Variants in SLC66A2 observed in about 807,000 individuals in gnomAD.
SLC66A2 encodes the protein PQ loop repeat containing 1.
SLC66A2 carries 23 observed loss-of-function variants against 25.5 expected under a neutral mutation model. The ratio of observed to expected loss-of-function variants is 0.90; its 90% CI spans 0.65 to 1.28. SLC66A2 has a LOEUF of 1.28. Ranked by LOEUF, SLC66A2 falls within the 50% of genes most tolerant of loss-of-function variation. SLC66A2 has a pLI of 0.00. For synonymous variants in SLC66A2, 193 were observed against 166.5 expected, an observed-to-expected ratio of 1.16 and a Z score of -1.23; for missense variants, 396 against 373.1, an observed-to-expected ratio of 1.06 and a Z score of -0.51.
intron 4 of SLC66A2, among the ~76,000 whole-genome samples, chr18:79,933,024 C>T (rs971877407): frequency 1.3e-5 from 2 of 152,126 alleles, no homozygotes; most frequent in Non-Finnish European, 2.9e-5. Context: ...TCATGTCTTA[C>T]GAATACAGAT....
chr18:79,911,175 A>C (rs1039632543), intron 5 of SLC66A2, among the ~76,000 whole-genome samples: 1 of 152,246 alleles, frequency 6.6e-6, no homozygotes, highest in Non-Finnish European at 1.5e-5. Flanking sequence ...GGCCCCAACC[A>C]CACAGGCAGA....
chr18:79,951,307 C>T (rs966009691), intron 1 of SLC66A2, among the ~76,000 whole-genome samples: 1 of 151,528 alleles, frequency 6.6e-6, no homozygotes, highest in African/African-American at 2.4e-5. Context: ...TCCACGCGCG[C>T]CCCGGGATGG....
intron 5 of SLC66A2, among the ~76,000 whole-genome samples, chr18:79,905,013 C>CCTGT (rs1221710713): frequency 2.0e-5 from 3 of 152,138 alleles, no homozygotes; most frequent in Non-Finnish European, 2.9e-5. Context: ...ACCTGGGTGC[C>CCTGT]GTAGCCGCCC....
intron 5 of SLC66A2, among the ~76,000 whole-genome samples, chr18:79,907,523 T>C (rs1982314295): frequency 1.3e-5 from 2 of 152,052 alleles, no homozygotes; most frequent in African/African-American, 4.8e-5. Context: ...CGCTAATGTT[T>C]TGTATTTTAG....
At chr18:79,905,241 G>A (rs942184864) in intron 5 of SLC66A2, among the ~76,000 whole-genome samples, 2 of 152,204 alleles carry the variant, frequency 1.3e-5, no homozygotes, top group Non-Finnish European at 2.9e-5. Context: ...CACTTGGGTC[G>A]GTTTAGCTAA....
At chr18:79,943,581 T>A in intron 2 of SLC66A2, 119 bp from the exon 3 acceptor site, 1 of 1,218,642 alleles carries the variant, frequency 8.2e-7, no homozygotes, top group Non-Finnish European at 1.1e-6. Context: ...CCCCTCCCAG[T>A]CCTGAACCTG....
chr18:79,922,537 G>A (rs897168975), intron 4 of SLC66A2, among the ~76,000 whole-genome samples: 3 of 152,052 alleles, frequency 2.0e-5, no homozygotes, highest in African/African-American at 4.8e-5. Context: ...CAGTAAATCC[G>A]TACCACATCC....
intron 5 of SLC66A2, among the ~76,000 whole-genome samples, chr18:79,912,136 GAGCAGGGAGGGGACGGC>G (rs1264272840): frequency 7.0e-6 from 1 of 142,606 alleles, no homozygotes; most frequent in Non-Finnish European, 1.5e-5. Context: ...GAGGGAGTGG[GAGCAGGGAGGGGACGGC>G]AGCAGCGAGG....
chr18:79,911,152 G>C (rs1346054572), intron 5 of SLC66A2, among the ~76,000 whole-genome samples: 1 of 152,198 alleles, frequency 6.6e-6, no homozygotes, highest in East Asian at 1.9e-4. Flanking sequence ...TCGGGGGTCG[G>C]GGCCACTCCT....
rs1185008511 is a variant in SLC66A2 at position 79,937,156 on chromosome 18, C to T, written c.338-3134G>A. ...CCAAAAAATCAACCTGTAGGCCAAC[C>T]CTCACACATGCCTAGGCCGTGGTCT... On this transcript the variant is annotated intron_variant, in intron 3 of 5. Coordinates refer to ENST00000397778, the MANE Select transcript of SLC66A2 (RefSeq NM_025078.5). The surrounding 1 kb of genome is among the most constrained non-coding windows in gnomAD (Gnocchi z 5.4). 6.6e-6 allele frequency among the ~76,000 whole-genome samples: 1 copy of T among 152,134 alleles called. No individual in the cohort carries two copies. The highest frequency in any genetic ancestry group is 1.5e-5 in the Non-Finnish European group (1 of 68,044).
rs1225526058 is a variant in SLC66A2, at chr18:79,927,562, T to C, written c.391+6407A>G. Among the ~76,000 whole-genome samples, 3 of 152,146 alleles carry C rather than the reference T, an allele frequency of 2.0e-5. No homozygotes were observed. The highest frequency in any genetic ancestry group is 4.4e-5 in the Non-Finnish European group (3 of 68,020). The stretch of plus-strand genomic sequence containing the variant: ...CTGACCCCTCTAATCCTGCCACCTG[T>C]GCAGCAGGCGGCAACAGGGACAGGC... On this transcript the variant is annotated intron_variant, in intron 4 of 5. Coordinates refer to ENST00000397778, the MANE Select transcript of SLC66A2 (RefSeq NM_025078.5). This position sits in a 1 kb window ranked among gnomAD's most constrained non-coding sequence, Gnocchi z 6.2.
intron 5 of SLC66A2, among the ~76,000 whole-genome samples, chr18:79,905,802 C>T (rs1417855996): frequency 6.6e-6 from 1 of 152,244 alleles, no homozygotes. Flanking sequence ...CGTGGCTTTA[C>T]TTGGCATGCA....
At position 79,918,597 on chromosome 18, in the gene SLC66A2, C is replaced by T. The variant is rs1312162391; in HGVS notation, c.608+587G>A. 6.6e-6 allele frequency among the ~76,000 whole-genome samples: 1 copy of T among 152,248 alleles called. No individual in the cohort carries two copies. The highest frequency in any genetic ancestry group is 1.5e-5 in the Non-Finnish European group (1 of 68,042). ...TTACAATGCAGTTTCCATCCAGGAC[C>T]TTGACTGAGCCCGTGGGCATCATGC... On this transcript the variant is annotated intron_variant, in intron 5 of 5. Coordinates refer to ENST00000397778, the MANE Select transcript of SLC66A2 (RefSeq NM_025078.5). The surrounding 1 kb of genome is among the most constrained non-coding windows in gnomAD (Gnocchi z 4.0).
chr18:79,919,221 A>G lies in SLC66A2; in HGVS notation c.571T>C (p.Tyr191His), dbSNP rs1221959810. 1.2e-6 allele frequency: 2 copies of G among 1,613,100 alleles called. No homozygotes were observed. The highest frequency in any genetic ancestry group is 2.2e-5 in the East Asian group (1 of 44,900). The change falls in exon 5 of 6, where the codon TAC becomes CAC. Residue 191 changes from tyrosine to histidine, a missense_variant. Coordinates refer to ENST00000397778, the MANE Select transcript of SLC66A2 (RefSeq NM_025078.5). ...GTGGACTGGTGGCGGTGGTTGCGGTAAAGCTGGGGCACACCCAGCATGGCT... is the reference window on the plus strand; with the variant it reads ...GTGGACTGGTGGCGGTGGTTGCGGTGAAGCTGGGGCACACCCAGCATGGCT... The part of the protein sequence containing the change: ...TEAMLGVPQL[Y>H]RNHRHQSTEG...
intron 4 of SLC66A2, among the ~76,000 whole-genome samples, chr18:79,922,396 C>T (rs1167141916): frequency 3.9e-5 from 6 of 152,112 alleles, no homozygotes; most frequent in Non-Finnish European, 8.8e-5. Flanking sequence ...GGGCGCAGCC[C>T]CCCTCGGGTT....
At chr18:79,942,239 CAGAGG>C (rs1470628018) in intron 3 of SLC66A2, among the ~76,000 whole-genome samples, 1 of 152,218 alleles carries the variant, frequency 6.6e-6, no homozygotes, top group Non-Finnish European at 1.5e-5. Context: ...AGCAGAGACT[CAGAGG>C]AGAGGAGAAT....
chr18:79,932,439 G>A (rs1056078372), intron 4 of SLC66A2, among the ~76,000 whole-genome samples: 1 of 151,820 alleles, frequency 6.6e-6, no homozygotes, highest in Admixed American at 6.6e-5. Flanking sequence ...CCAAAAATTG[G>A]TTCTCTGATA....
intron 5 of SLC66A2, among the ~76,000 whole-genome samples, chr18:79,911,928 GGAGGGGACAGCAGCAGA>G (rs1983224116): frequency 7.3e-6 from 1 of 137,700 alleles, no homozygotes. Context: ...ACGGGAGCAG[GGAGGGGACAGCAGCAGA>G]GAGGGGACGG....
Position 79,921,887 on chromosome 18 carries a change from C to T in SLC66A2, c.392-2487G>A, listed in dbSNP as rs1299822267. ...AAGGTCAGTGAGGAGAGACGGGAAC[C>T]GAGGGAGAGGTCAAGGTCAGTGACA... is the stretch of plus-strand genomic sequence containing the variant. On this transcript the variant is annotated intron_variant, in intron 4 of 5. Transcript: ENST00000397778. 7.1e-4 allele frequency among the ~76,000 whole-genome samples: 4 copies of T among 5,600 alleles called. 1 individual carries two copies. Among genetic ancestry groups the T allele is most frequent in the African/African-American group, 7.4e-4 (4 of 5,420 alleles). The allele number at this position is 5,600 out of a possible 152,430, so 3.7% of individuals were successfully genotyped here.
Sources: allele counts gnomAD v4.1 joint callset (sites outside exome capture counted in the v4.1 genomes callset), GRCh38; gene constraint gnomAD v4.1.1; non-coding constraint Gnocchi (gnomAD v3.1); transcripts MANE v1.5; gene names NCBI Gene and HGNC (gene_info 2026-07-23, HGNC 2026-07-21).